The following ZNF385D variants were observed in gnomAD, a reference collection of about 807,000 sequenced individuals.
ZNF385D encodes zinc finger protein 385D.
Under a neutral mutation model 35.8 loss-of-function variants are expected in ZNF385D, and 15 were observed. That is an observed-to-expected ratio of 0.42 (90% CI 0.28 to 0.64). The LOEUF (loss-of-function observed/expected upper bound fraction) is 0.64, where lower values mean the gene tolerates loss of function less well. Ranked by LOEUF, ZNF385D falls within the 30% of genes least tolerant of loss-of-function variation. The pLI, the probability that ZNF385D is intolerant of heterozygous loss-of-function variation, is 0.23. For missense variants in ZNF385D, 474 were observed against 494.6 expected, an observed-to-expected ratio of 0.96 and a Z score of 0.39; for synonymous variants, 212 against 186.8, an observed-to-expected ratio of 1.13 and a Z score of -1.10.
At chr3:21,568,455 A>G (rs955448042) in intron 2 of ZNF385D, among the ~76,000 whole-genome samples, 1 of 152,182 alleles carries the variant, frequency 6.6e-6, no homozygotes, top group African/African-American at 2.4e-5. Flanking sequence ...CCAGGAACCA[A>G]TGGGTCTGAT....
chr3:22,231,667 CA>C (rs911635312), intron 2 of ZNF385D, among the ~76,000 whole-genome samples: 6 of 151,906 alleles, frequency 3.9e-5, no homozygotes, highest in Admixed American at 2.6e-4. Flanking sequence ...CCTACTGGGG[CA>C]AAAAAATTTT....
chr3:21,573,411 A>G (rs1464149273), intron 2 of ZNF385D, among the ~76,000 whole-genome samples: 3 of 152,240 alleles, frequency 2.0e-5, no homozygotes, highest in African/African-American at 7.2e-5. Context: ...GACATTAGGT[A>G]CTGACAAGGA....
At chr3:22,233,102 G>A (rs552404947) in intron 2 of ZNF385D, among the ~76,000 whole-genome samples, 93 of 151,850 alleles carry the variant, frequency 6.1e-4, no homozygotes, top group African/African-American at 2.1e-3. Flanking sequence ...AGTATACTCC[G>A]TTTCTCTATT....
At chr3:21,757,155 T>A (rs13093500) in intron 3 of ZNF385D, among the ~76,000 whole-genome samples, 89,693 of 133,212 alleles carry the variant, frequency 0.67, 31,215 homozygotes, top group East Asian at 0.9. Flanking sequence ...CTTGAGATGG[T>A]GTCTCACTCT....
intron 3 of ZNF385D, among the ~76,000 whole-genome samples, chr3:21,906,280 G>A (rs17010054): frequency 0.085 from 12,873 of 152,200 alleles, 685 homozygotes; most frequent in South Asian, 0.21. Context: ...GTTCCTTTAT[G>A]AGTAGCCATG....
At chr3:21,766,367 T>A (rs186888036) in intron 3 of ZNF385D, among the ~76,000 whole-genome samples, 34 of 152,240 alleles carry the variant, frequency 2.2e-4, no homozygotes, top group African/African-American at 8.2e-4. Context: ...TTACTGCCTA[T>A]CTGTTATGGG....
In ZNF385D at chr3:21,602,512, ATTTTC is replaced by A. The variant is rs1357707128; in HGVS notation, c.166-37833_166-37829del. ...GAATTTAGGTCTCCTGTTTCCCTGC[ATTTTC>A]TTTTTTTTTTTTTTTTTTTTTTTTT... is the stretch of plus-strand genomic sequence containing the variant. On this transcript the variant is annotated intron_variant, in intron 2 of 7. Transcript: ENST00000281523. Among the ~76,000 whole-genome samples, 168 of 90,166 alleles carry A rather than the reference ATTTTC, an allele frequency of 1.9e-3. 9 individuals are homozygous for A. Among genetic ancestry groups the A allele is most frequent in the Middle Eastern group, 5.9e-3 (1 of 170 alleles). 59.2% of individuals were successfully genotyped at this position (90,166 alleles called of 152,430 possible).
intron 3 of ZNF385D, among the ~76,000 whole-genome samples, chr3:21,778,113 T>A (rs939211013): frequency 5.3e-5 from 8 of 151,914 alleles, no homozygotes; most frequent in African/African-American, 1.9e-4. Context: ...TTTAGCAACT[T>A]ACAACATACA....
chr3:22,299,506 A>G (rs963515864), intron 2 of ZNF385D, among the ~76,000 whole-genome samples: 1 of 151,898 alleles, frequency 6.6e-6, no homozygotes, highest in Non-Finnish European at 1.5e-5. Context: ...AAAAATACCA[A>G]TGAACATCCA....
chr3:22,139,545 C>G (rs558460067), intron 3 of ZNF385D, among the ~76,000 whole-genome samples: 14 of 149,840 alleles, frequency 9.3e-5, no homozygotes, highest in African/African-American at 3.5e-4. Flanking sequence ...TGTTCTCACT[C>G]ATAGGTGGGA....
chr3:21,951,227 A>T (rs892388046), intron 3 of ZNF385D, among the ~76,000 whole-genome samples: 1 of 151,682 alleles, frequency 6.6e-6, no homozygotes, highest in African/African-American at 2.4e-5. Flanking sequence ...TTCCTTGAGC[A>T]GTGGTTTGTA....
At chr3:21,755,325 C>G (rs1314728620), upstream of ZNF385D, among the ~76,000 whole-genome samples, 1 of 152,164 alleles carries the variant, frequency 6.6e-6, no homozygotes, top group East Asian at 1.9e-4. Flanking sequence ...CTCCTTTGCT[C>G]AGTATTCTTC....
At chr3:21,441,155 A>T (rs114868790) in intron 4 of ZNF385D, among the ~76,000 whole-genome samples, 3,881 of 152,266 alleles carry the variant, frequency 0.025, 136 homozygotes, top group Admixed American at 0.09. Flanking sequence ...ATTATTATAA[A>T]CTTCTTAATC....
At chr3:22,173,497 G>T (rs9878658) in intron 2 of ZNF385D, among the ~76,000 whole-genome samples, 9,128 of 152,070 alleles carry the variant, frequency 0.06, 727 homozygotes, top group African/African-American at 0.18. Flanking sequence ...TTTAAAATTT[G>T]GAAAATAGAG....
At chr3:21,445,445 C>G (rs948175259) in intron 4 of ZNF385D, among the ~76,000 whole-genome samples, 46 of 152,104 alleles carry the variant, frequency 3.0e-4, no homozygotes, top group African/African-American at 1.0e-3. Flanking sequence ...TTTTTCTCTA[C>G]AAGGTAAATT....
intron 3 of ZNF385D, among the ~76,000 whole-genome samples, chr3:21,846,938 T>A (rs1429218095): frequency 1.3e-5 from 2 of 152,016 alleles, no homozygotes; most frequent in Non-Finnish European, 2.9e-5. Flanking sequence ...ATTTCCTTAA[T>A]CCTATGAAGC....
intron 3 of ZNF385D, among the ~76,000 whole-genome samples, chr3:21,997,280 T>C (rs1015899272): frequency 5.3e-5 from 8 of 152,028 alleles, no homozygotes; most frequent in African/African-American, 1.5e-4. Context: ...TTCTCACTCA[T>C]AGGTGGGAAT....
At position 21,665,020 on chromosome 3, in the gene ZNF385D, A is replaced by G. The variant is rs2066362005; in HGVS notation, c.31T>C (p.Cys11Arg). MRNIMYFGGT[C>R]QSPALPALVR... ...AGGGCCGGGAGAGCAGGACTCTGGC[A>G]TGTACCACCTGTGAAGACCAGAGCA... Residue 11 changes from cysteine (C) to arginine (R), a missense_variant, in exon 2 of 8, where the codon TGC becomes CGC. Coordinates refer to ENST00000281523, the MANE Select transcript of ZNF385D (RefSeq NM_024697.3). 4.3e-6 allele frequency: 7 copies of G among 1,610,126 alleles called. No homozygotes were observed. Among genetic ancestry groups the G allele is most frequent in the East Asian group, 2.2e-5 (1 of 44,806 alleles).
chr3:21,784,362 T>A (rs1195378394), intron 3 of ZNF385D, among the ~76,000 whole-genome samples: 1 of 152,182 alleles, frequency 6.6e-6, no homozygotes, highest in African/African-American at 2.4e-5. Flanking sequence ...ACTTTAACCA[T>A]CTTTTTTTTG....
Sources: gnomAD v4.1 joint callset for allele counts (sites outside exome capture counted in the v4.1 genomes callset) on GRCh38, gnomAD v4.1.1 for gene constraint, MANE v1.5 for transcripts, NCBI Gene and HGNC (gene_info 2026-07-23, HGNC 2026-07-21) for gene names.